Variants in ZMAT4 observed in about 807,000 individuals in gnomAD.
ZMAT4 encodes zinc finger matrin-type 4.
ZMAT4 carries 17 observed loss-of-function variants against 28.7 expected under a neutral mutation model. The ratio of observed to expected loss-of-function variants is 0.59; its 90% CI spans 0.41 to 0.89. The LOEUF (loss-of-function observed/expected upper bound fraction) is 0.89. ZMAT4 is among the 40% of genes least tolerant of loss of function. The pLI is 0.00. For missense variants in ZMAT4, 240 were observed against 283.8 expected (o/e 0.85, Z 1.11); for synonymous variants, 117 against 109.2 (o/e 1.07, Z -0.44).
At chr8:40,752,904 T>C (rs1812516141) in intron 3 of ZMAT4, among the ~76,000 whole-genome samples, 1 of 152,086 alleles carries the variant, frequency 6.6e-6, no homozygotes, top group Admixed American at 6.6e-5. Flanking sequence ...TACTTTAAGT[T>C]CTGGGATACA....
intron 3 of ZMAT4, among the ~76,000 whole-genome samples, chr8:40,723,996 G>C (rs1457552947): frequency 6.6e-6 from 1 of 151,886 alleles, no homozygotes; most frequent in Admixed American, 6.6e-5. Context: ...CCCTTCACTT[G>C]CTCCCAGCCA....
chr8:40,693,077 TA>T (rs1809725122), intron 4 of ZMAT4, among the ~76,000 whole-genome samples: 1 of 152,196 alleles, frequency 6.6e-6, no homozygotes, highest in South Asian at 2.1e-4. Flanking sequence ...AATGAGATCA[TA>T]TTGGATTAAA....
chr8:40,660,533 C>T (rs1282079967), intron 5 of ZMAT4, among the ~76,000 whole-genome samples: 1 of 152,132 alleles, frequency 6.6e-6, no homozygotes, highest in Non-Finnish European at 1.5e-5. Flanking sequence ...TGTTGAGTGA[C>T]TCATGGATGG....
chr8:40,742,981 G>C (rs555469323), intron 3 of ZMAT4, among the ~76,000 whole-genome samples: 1 of 152,074 alleles, frequency 6.6e-6, no homozygotes, highest in Admixed American at 6.5e-5. Context: ...GGAGGCTGAG[G>C]CAAGTGGGTC....
chr8:40,585,331 T>C (rs1804631206), intron 5 of ZMAT4, among the ~76,000 whole-genome samples: 1 of 152,106 alleles, frequency 6.6e-6, no homozygotes. Flanking sequence ...TCTTGAAACC[T>C]ATTTTCTCAA....
chr8:40,707,147 T>TC (rs939706094), intron 3 of ZMAT4, among the ~76,000 whole-genome samples: 23 of 152,052 alleles, frequency 1.5e-4, no homozygotes, highest in African/African-American at 5.5e-4. Flanking sequence ...TCATTAGGCT[T>TC]CCCCGGGACA....
chr8:40,844,657 C>CTGTG (rs71224857), intron 1 of ZMAT4, among the ~76,000 whole-genome samples: 3,838 of 142,424 alleles, frequency 0.027, 85 homozygotes, highest in African/African-American at 0.059. Context: ...CTCTCTCATT[C>CTGTG]TGTGTGTGTG....
intron 6 of ZMAT4, 114 bp downstream of exon 6, chr8:40,581,051 A>C: frequency 2.5e-6 from 2 of 801,288 alleles, no homozygotes; most frequent in Non-Finnish European, 2.0e-6. Flanking sequence ...TTGAAGCAAA[A>C]GAGATGTAAT....
chr8:40,537,648 C>T (rs1802888740), intron 6 of ZMAT4, among the ~76,000 whole-genome samples: 1 of 152,148 alleles, frequency 6.6e-6, no homozygotes, highest in Non-Finnish European at 1.5e-5. Context: ...GGCAAATATT[C>T]TCTTTATAAT....
intron 3 of ZMAT4, among the ~76,000 whole-genome samples, chr8:40,716,142 T>G (rs1810844242): frequency 6.6e-6 from 1 of 152,166 alleles, no homozygotes; most frequent in South Asian, 2.1e-4. Flanking sequence ...GGGAAAAGAT[T>G]TCAAATCTCA....
intron 4 of ZMAT4, among the ~76,000 whole-genome samples, chr8:40,689,425 G>A (rs1472037884): frequency 6.6e-6 from 1 of 152,238 alleles, no homozygotes; most frequent in Non-Finnish European, 1.5e-5. Context: ...AAAATGTTAT[G>A]TTAATCGCAC....
At chr8:40,858,812 C>T (rs1817389611) in intron 1 of ZMAT4, among the ~76,000 whole-genome samples, 1 of 152,192 alleles carries the variant, frequency 6.6e-6, no homozygotes. Context: ...GCCCCTGGTC[C>T]TCCATATCAA....
chr8:40,683,929 G>T (rs996292742), intron 4 of ZMAT4, among the ~76,000 whole-genome samples: 5 of 151,998 alleles, frequency 3.3e-5, no homozygotes, highest in Non-Finnish European at 7.4e-5. Context: ...GATGGGCATG[G>T]TGGCACGCGC....
At chr8:40,700,110 T>G (rs1422491921) in intron 3 of ZMAT4, among the ~76,000 whole-genome samples, 4 of 152,190 alleles carry the variant, frequency 2.6e-5, no homozygotes. Flanking sequence ...CTGTGGTAGA[T>G]GAATATGACT....
chr8:40,788,399 A>G (rs931628361), intron 2 of ZMAT4, among the ~76,000 whole-genome samples: 3 of 152,174 alleles, frequency 2.0e-5, no homozygotes, highest in Admixed American at 2.0e-4. Flanking sequence ...CCTGGCTAAC[A>G]TGGCGAAACC....
At chr8:40,610,326 T>G (rs1805750938) in intron 5 of ZMAT4, among the ~76,000 whole-genome samples, 1 of 152,214 alleles carries the variant, frequency 6.6e-6, no homozygotes, top group African/African-American at 2.4e-5. Context: ...CCTTTTATCA[T>G]AGATCAAACC....
intron 2 of ZMAT4, among the ~76,000 whole-genome samples, chr8:40,800,192 A>G (rs571026418): frequency 6.6e-6 from 1 of 152,276 alleles, no homozygotes; most frequent in Non-Finnish European, 1.5e-5. Flanking sequence ...CCAAGAAGAC[A>G]TAACAATCCT....
chr8:40,786,011 C>A (rs1188927065), intron 2 of ZMAT4, among the ~76,000 whole-genome samples: 2 of 152,042 alleles, frequency 1.3e-5, no homozygotes, highest in Non-Finnish European at 2.9e-5. Flanking sequence ...CTTGACAGCC[C>A]ACTGCAGTTG....
At chr8:40,819,539 G>A (rs923022387) in intron 2 of ZMAT4, among the ~76,000 whole-genome samples, 12 of 152,146 alleles carry the variant, frequency 7.9e-5, no homozygotes, top group Non-Finnish European at 1.8e-4. Flanking sequence ...GCTCTACAGG[G>A]GGGAGCACGG....
Sources: gnomAD v4.1 joint callset for allele counts (sites outside exome capture counted in the v4.1 genomes callset) on GRCh38, gnomAD v4.1.1 for gene constraint, MANE v1.5 for transcripts, NCBI Gene and HGNC (gene_info 2026-07-23, HGNC 2026-07-21) for gene names.